Variants in PTPRD observed in about 807,000 individuals in gnomAD.
The protein encoded by PTPRD is protein tyrosine phosphatase receptor type D.
PTPRD carries 34 observed loss-of-function variants against 214.5 expected under a neutral mutation model. That is an observed-to-expected ratio of 0.16 (90% CI 0.12 to 0.21). PTPRD has a LOEUF of 0.21. Among genes scored for constraint, PTPRD ranks in the 10% least tolerant of loss-of-function variants. The probability of loss-of-function intolerance (pLI) is 1.00; values close to 1 mark genes in which losing one functional copy is unlikely to be tolerated. For missense variants in PTPRD, 2,545 were observed against 2,398.7 expected (o/e 1.06, Z -1.27); for synonymous variants, 1,128 against 845.7 (o/e 1.33, Z -5.79).
At chr9:9,462,251 G>T (rs972366160) in intron 8 of PTPRD, among the ~76,000 whole-genome samples, 1 of 152,104 alleles carries the variant, frequency 6.6e-6, no homozygotes, top group Non-Finnish European at 1.5e-5. Flanking sequence ...AGAGAAAAGG[G>T]AGTTTAGAAC....
intron 3 of PTPRD, among the ~76,000 whole-genome samples, chr9:10,316,196 G>C (rs900565151): frequency 7.2e-6 from 1 of 139,830 alleles, no homozygotes; most frequent in South Asian, 2.3e-4. Flanking sequence ...CATATATATA[G>C]ACACACACAC....
chr9:8,931,973 A>T (rs1007105436), intron 11 of PTPRD, among the ~76,000 whole-genome samples: 2 of 152,118 alleles, frequency 1.3e-5, no homozygotes, highest in African/African-American at 2.4e-5. Context: ...GTATTCTCTG[A>T]TGGTAGTTTG....
intron 2 of PTPRD, among the ~76,000 whole-genome samples, chr9:10,585,170 A>G (rs746342253): frequency 6.6e-6 from 1 of 152,106 alleles, no homozygotes; most frequent in Non-Finnish European, 1.5e-5. Flanking sequence ...ATAGTGATGA[A>G]TGGGAGAAGG....
intron 3 of PTPRD, among the ~76,000 whole-genome samples, chr9:10,163,541 A>C (rs896071588): frequency 4.0e-5 from 6 of 151,486 alleles, no homozygotes; most frequent in African/African-American, 1.4e-4. Flanking sequence ...TTACATACTA[A>C]AACATATTTT....
At chr9:10,299,773 T>A (rs2095803782) in intron 3 of PTPRD, among the ~76,000 whole-genome samples, 2 of 152,158 alleles carry the variant, frequency 1.3e-5, no homozygotes, top group South Asian at 2.1e-4. Flanking sequence ...AACTAAATAT[T>A]TGCATATGAA....
intron 10 of PTPRD, among the ~76,000 whole-genome samples, chr9:9,025,259 G>A (rs74515725): frequency 0.035 from 5,362 of 151,984 alleles, 96 homozygotes; most frequent in East Asian, 0.069. Flanking sequence ...GGCTTTACTG[G>A]TATGGCTAAG....
At chr9:10,355,219 C>T (rs909892829) in intron 2 of PTPRD, among the ~76,000 whole-genome samples, 1 of 151,898 alleles carries the variant, frequency 6.6e-6, no homozygotes, top group East Asian at 1.9e-4. Flanking sequence ...AAATATGTAT[C>T]TTGGTATTTA....
chr9:8,363,958 T>G (rs2079132541), intron 39 of PTPRD, among the ~76,000 whole-genome samples: 1 of 152,252 alleles, frequency 6.6e-6, no homozygotes, highest in African/African-American at 2.4e-5. Context: ...GCAGCTGTAC[T>G]TATGTTAGAA....
Position 9,928,179 on chromosome 9 carries a change from C to A in PTPRD, c.-368+10328G>T, listed in dbSNP as rs545553001. 1.3e-4 allele frequency among the ~76,000 whole-genome samples: 20 copies of A among 152,174 alleles called. 1 individual carries two copies. The East Asian group carries it at 3.9e-3, about 29-fold the overall frequency. On this transcript the variant is annotated intron_variant, in intron 5 of 45. Transcript: ENST00000381196. ...TGGCAATATTAAATAACTTTTGTTG[C>A]TGCATGATGTTAGCTGCAGCTTAAA...
chr9:9,004,817 C>A (rs1314275243), intron 11 of PTPRD, among the ~76,000 whole-genome samples: 4 of 152,044 alleles, frequency 2.6e-5, no homozygotes, highest in Admixed American at 6.6e-5. Context: ...CAGCACTGAG[C>A]CATAGCTCAG....
At chr9:9,629,060 G>C (rs2095507805) in intron 7 of PTPRD, among the ~76,000 whole-genome samples, 1 of 151,712 alleles carries the variant, frequency 6.6e-6, no homozygotes, top group Non-Finnish European at 1.5e-5. Flanking sequence ...TGTAATCCCA[G>C]CTACTCAGGA....
At chr9:9,959,774 G>C (rs1426280296) in intron 4 of PTPRD, among the ~76,000 whole-genome samples, 4 of 152,140 alleles carry the variant, frequency 2.6e-5, no homozygotes, top group Non-Finnish European at 5.9e-5. Flanking sequence ...TGAATAAATG[G>C]ACAGCAGATA....
intron 4 of PTPRD, among the ~76,000 whole-genome samples, chr9:9,985,487 C>A (rs865990149): frequency 6.6e-5 from 10 of 152,064 alleles, no homozygotes; most frequent in Admixed American, 5.9e-4. Flanking sequence ...GGGAAAGATT[C>A]TTTTACAGAA....
At chr9:10,216,942 G>C (rs750450056) in intron 3 of PTPRD, among the ~76,000 whole-genome samples, 84 of 151,836 alleles carry the variant, frequency 5.5e-4, no homozygotes, top group Admixed American at 2.2e-3. Context: ...TCCTCCACTA[G>C]TCAAAAAATG....
Position 8,315,272 on chromosome 9 carries a change from T to C in PTPRD, c.*2602A>G, listed in dbSNP as rs1821058184. 1 of 232,670 alleles carries C rather than the reference T, an allele frequency of 4.3e-6. No homozygotes were observed. The highest frequency in any genetic ancestry group is 8.5e-6 in the Non-Finnish European group (1 of 117,454). 14.4% of individuals were successfully genotyped at this position (232,670 alleles called of 1,614,324 possible). A position where few individuals can be genotyped will look rare whatever the true frequency, so the allele number is the denominator to read the frequency against. ...TAGTCTCCGCCTCGTTCGTCTATGG[T>C]ATGCATCCCATTCATTTTCTTCTTC... is the stretch of plus-strand genomic sequence containing the variant. On this transcript the variant is annotated 3_prime_UTR_variant, in exon 46 of 46. Coordinates refer to ENST00000381196, the MANE Select transcript of PTPRD (RefSeq NM_002839.4).
chr9:8,976,704 T>C (rs1380578981), intron 11 of PTPRD, among the ~76,000 whole-genome samples: 2 of 152,214 alleles, frequency 1.3e-5, no homozygotes, highest in East Asian at 1.9e-4. Context: ...TTTCCTTACA[T>C]CCTCTCTACA....
chr9:9,986,924 T>G (rs1298244330), intron 4 of PTPRD, among the ~76,000 whole-genome samples: 2 of 151,860 alleles, frequency 1.3e-5, no homozygotes, highest in East Asian at 3.9e-4. Flanking sequence ...TAAAAGATAC[T>G]CTCTAGAATT....
chr9:9,251,168 G>T lies in PTPRD; in HGVS notation c.-202-67805C>A, dbSNP rs147236827. Among the ~76,000 whole-genome samples, 13 of 152,100 alleles carry T rather than the reference G, an allele frequency of 8.5e-5. No homozygotes were observed. In the East Asian group the frequency reaches 2.5e-3, roughly 30 times the overall value. ...AGAGATACATAAAAATCTAGTGCGG[G>T]CATTGCCAGCAATAGATCCCAGGGT... On this transcript the variant is annotated intron_variant, in intron 9 of 45. Coordinates refer to ENST00000381196, the MANE Select transcript of PTPRD (RefSeq NM_002839.4).
intron 3 of PTPRD, among the ~76,000 whole-genome samples, chr9:10,241,174 T>A (rs183663606): frequency 2.0e-3 from 306 of 152,024 alleles, no homozygotes; most frequent in Non-Finnish European, 3.4e-3. Flanking sequence ...ATTACATTTG[T>A]TAAAATTAAA....
Sources: allele counts gnomAD v4.1 joint callset (sites outside exome capture counted in the v4.1 genomes callset), GRCh38; gene constraint gnomAD v4.1.1; transcripts MANE v1.5; gene names NCBI Gene and HGNC (gene_info 2026-07-23, HGNC 2026-07-21).